TADA2B: variants seen among roughly 807,000 people sequenced by gnomAD.
The protein encoded by TADA2B is transcriptional adaptor 2B.
Under a neutral mutation model 34.5 loss-of-function variants are expected in TADA2B, and 13 were observed. The ratio of observed to expected loss-of-function variants is 0.38; its 90% confidence interval spans 0.25 to 0.60. The LOEUF (loss-of-function observed/expected upper bound fraction) is 0.60, where lower values mean the gene tolerates loss of function less well. Among genes scored for constraint, TADA2B ranks in the 20% least tolerant of loss-of-function variants. TADA2B has a pLI of 0.65. For synonymous variants in TADA2B, 240 were observed against 243.4 expected (o/e 0.99, Z 0.13); for missense variants, 442 against 575.0 (o/e 0.77, Z 2.37).
rs1197463585 is a variant in TADA2B at position 7,043,621 on chromosome 4, C to T, written c.42C>T (p.Ala14=). 18 of 1,494,784 alleles carry T rather than the reference C, an allele frequency of 1.2e-5. No homozygotes were observed. The highest frequency in any genetic ancestry group is 4.3e-5 in the African/African-American group (3 of 69,408). 92.6% of individuals were successfully genotyped at this position (1,494,784 alleles called of 1,614,324 possible). The change falls in exon 1 of 2, where the codon GCC becomes GCT. Residue 14 remains alanine, a synonymous_variant. Transcript: ENST00000310074. ...LGKKYCVYCL[A]EVSPLRFRCT... is the part of the protein sequence containing the mutation. ...AGAAGTACTGCGTGTACTGCCTGGC[C>T]GAGGTGAGCCCGCTGCGCTTCCGCT...
At chr4:7,046,583 A>T (rs1723636220) in intron 1 of TADA2B, among the ~76,000 whole-genome samples, 1 of 152,232 alleles carries the variant, frequency 6.6e-6, no homozygotes, top group Admixed American at 6.5e-5. Context: ...GCATTAAGCA[A>T]TGTGGGTCAG....
Position 7,055,648 on chromosome 4 carries a change from CTG to C in TADA2B, c.*596_*597del, listed in dbSNP as rs1221368649. On this transcript the variant is annotated 3_prime_UTR_variant, in exon 2 of 2. Coordinates refer to ENST00000310074, the MANE Select transcript of TADA2B (RefSeq NM_152293.3). Reference sequence around the variant, plus strand: ...GTTTTGTTGGGAACTGAAGAGGAATCTGTTGAACACAGCGACCAGATGACCTT... The same window carrying C: ...GTTTTGTTGGGAACTGAAGAGGAATCTTGAACACAGCGACCAGATGACCTT... 2 of 152,412 alleles carry C rather than the reference CTG, an allele frequency of 1.3e-5. No individual in the cohort carries two copies. Among genetic ancestry groups the C allele is most frequent in the Non-Finnish European group, 2.9e-5 (2 of 68,186 alleles). The allele number at this position is 152,412 out of a possible 1,614,324, so 9.4% of individuals were successfully genotyped here.
rs200792776 is a variant in TADA2B at position 7,057,333 on chromosome 4, A to G, written c.*2279A>G. On this transcript the variant is annotated 3_prime_UTR_variant, in exon 2 of 2. Coordinates refer to ENST00000310074, the MANE Select transcript of TADA2B (RefSeq NM_152293.3). ...ATAATTAATTTATGTTAAAGTATTAACCCTTTGTCACAAAGGAATGGTAAT... is the reference window on the plus strand; with the variant it reads ...ATAATTAATTTATGTTAAAGTATTAGCCCTTTGTCACAAAGGAATGGTAAT... The G allele has an allele frequency of 6.6e-6, 1 of 152,186 alleles. No homozygotes were observed. The highest frequency in any genetic ancestry group is 1.9e-4 in the East Asian group (1 of 5,202). The allele number at this position is 152,186 out of a possible 1,614,324, so 9.4% of individuals were successfully genotyped here. A position where few individuals can be genotyped will look rare whatever the true frequency, so the allele number is the denominator to read the frequency against.
chr4:7,043,670 C>T lies in TADA2B; in HGVS notation c.91C>T (p.Leu31=). ...FRCTECQDIE[L]CPECFSAGAE... ...CTGCACCGAGTGCCAGGACATCGAG[C>T]TGTGCCCCGAGTGCTTCTCGGCCGG... Residue 31 remains leucine (L), a synonymous_variant, in exon 1 of 2, where the codon CTG becomes TTG. Transcript: ENST00000310074. 6.3e-7 allele frequency: 1 copy of T among 1,583,098 alleles called. No homozygotes were observed.
chr4:7,051,557 T>C (rs2108785425), intron 1 of TADA2B, among the ~76,000 whole-genome samples: 1 of 152,222 alleles, frequency 6.6e-6, no homozygotes, highest in Non-Finnish European at 1.5e-5. Context: ...TGACCTAGTG[T>C]TGCTAACTTG....
Position 7,043,467 on chromosome 4 carries a change from G to T in TADA2B, c.-113G>T, listed in dbSNP as rs996272933. The T allele has an allele frequency of 2.9e-5, 15 of 509,374 alleles. No homozygotes were observed. The highest frequency in any genetic ancestry group is 6.6e-5 in the Admixed American group (1 of 15,042). The allele number at this position is 509,374 out of a possible 1,614,324, so 31.6% of individuals were successfully genotyped here. ...GCGGTGGCGGCAGCCGCGGCGGCGG[G>T]CGGCGGTTGCTCGTGCGCGGCGGCG... On this transcript the variant is annotated 5_prime_UTR_variant, in exon 1 of 2. Coordinates refer to ENST00000310074, the MANE Select transcript of TADA2B (RefSeq NM_152293.3).
intron 1 of TADA2B, among the ~76,000 whole-genome samples, chr4:7,048,645 C>T (rs1408626115): frequency 7.9e-5 from 12 of 151,944 alleles, no homozygotes; most frequent in Non-Finnish European, 1.3e-4. Flanking sequence ...GCATTAAGTC[C>T]ACTCCCAGTG....
rs368347599 is a variant in TADA2B, at chr4:7,054,776, C to T, written c.985C>T (p.Arg329Trp). 1.2e-5 allele frequency: 19 copies of T among 1,613,788 alleles called. No individual in the cohort carries two copies. The highest frequency in any genetic ancestry group is 1.6e-4 in the Middle Eastern group (1 of 6,084). The change falls in exon 2 of 2, where the codon CGG becomes TGG. Residue 329 changes from arginine to tryptophan, a missense_variant. This residue lies in a region of TADA2B where 114 missense variants were observed against 144.7 expected (regional missense o/e 0.79). Coordinates refer to ENST00000310074, the MANE Select transcript of TADA2B (RefSeq NM_152293.3). Reference protein sequence around the residue: ...KENKNLAGSKRGKEDGKDSEF... With the variant: ...KENKNLAGSKWGKEDGKDSEF... ...GAACAAAAACCTAGCCGGCTCCAAA[C>T]GGGGAAAGGAGGACGGCAAAGACAG...
At position 7,057,393 on chromosome 4, in the gene TADA2B, C is replaced by T. The variant is rs1156921484; in HGVS notation, c.*2339C>T. 5 of 152,258 alleles carry T rather than the reference C, an allele frequency of 3.3e-5. No homozygotes were observed. Among genetic ancestry groups the T allele is most frequent in the Non-Finnish European group, 5.9e-5 (4 of 68,048 alleles). The allele number at this position is 152,258 out of a possible 1,614,324, so 9.4% of individuals were successfully genotyped here. A position where few individuals can be genotyped will look rare whatever the true frequency, so the allele number is the denominator to read the frequency against. On this transcript the variant is annotated 3_prime_UTR_variant, in exon 2 of 2. Transcript: ENST00000310074. ...TGCCTGTTAGCCCATCGACTATTCCCGTCACGGTAGTCCTTACCTCTGTCG... is the reference window on the plus strand; with the variant it reads ...TGCCTGTTAGCCCATCGACTATTCCTGTCACGGTAGTCCTTACCTCTGTCG...
chr4:7,052,424 CT>C (rs1400604609), intron 1 of TADA2B, among the ~76,000 whole-genome samples: 5 of 152,368 alleles, frequency 3.3e-5, no homozygotes, highest in South Asian at 2.1e-4. Flanking sequence ...ATTGCGGTTC[CT>C]GGGGCTCCCT....
chr4:7,047,519 G>C (rs1194157728), intron 1 of TADA2B, among the ~76,000 whole-genome samples: 1 of 152,214 alleles, frequency 6.6e-6, no homozygotes, highest in African/African-American at 2.4e-5. Context: ...CACATCGATG[G>C]TCACTGCCTT....
Position 7,052,320 on chromosome 4 carries a change from C to T in TADA2B, c.271-1742C>T, listed in dbSNP as rs964141828. On this transcript the variant is annotated intron_variant, in intron 1 of 1. Coordinates refer to ENST00000310074, the MANE Select transcript of TADA2B (RefSeq NM_152293.3). ...CCCCAGGATGTTCACCCAGGGTTTC[C>T]ACCCAACATGACCCTTTCCTTCCTA... Among the ~76,000 whole-genome samples the T allele has an allele frequency of 6.6e-5, 10 of 152,384 alleles. 1 individual carries two copies. The highest frequency in any genetic ancestry group is 5.9e-4 in the Admixed American group (9 of 15,312).
At chr4:7,045,547 T>C (rs1344075547) in intron 1 of TADA2B, 2 of 152,242 alleles carry the variant, frequency 1.3e-5, no homozygotes, top group Admixed American at 6.5e-5. Context: ...TTGATCGTTT[T>C]ATATTTCTTC....
At position 7,054,460 on chromosome 4, in the gene TADA2B, C is replaced by G. The variant is rs1468778963; in HGVS notation, c.669C>G (p.Ala223=). 1 of 1,613,692 alleles carries G rather than the reference C, an allele frequency of 6.2e-7. No homozygotes were observed. The highest frequency in any genetic ancestry group is 8.5e-7 in the Non-Finnish European group (1 of 1,179,886). ...LKERQRRKNI[A]RDYNLVPAFL... Reference sequence around the variant, plus strand: ...AGAGACAGCGGCGGAAGAACATCGCCCGTGACTACAATCTGGTGCCAGCCT... The same window carrying G: ...AGAGACAGCGGCGGAAGAACATCGCGCGTGACTACAATCTGGTGCCAGCCT... Residue 223 remains alanine, a synonymous_variant, in exon 2 of 2, where the codon GCC becomes GCG. Transcript: ENST00000310074.
rs1383845064 is a variant in TADA2B, at chr4:7,055,975, G to C, written c.*921G>C. ...CATTGTACAAAGTTCAAGGCTAAGAGTTCTGAATTCTGGCGTCAGCTTCCT... is the reference window on the plus strand; with the variant it reads ...CATTGTACAAAGTTCAAGGCTAAGACTTCTGAATTCTGGCGTCAGCTTCCT... On this transcript the variant is annotated 3_prime_UTR_variant, in exon 2 of 2. Transcript: ENST00000310074. The C allele has an allele frequency of 6.6e-6, 1 of 152,394 alleles. No individual in the cohort carries two copies. Among genetic ancestry groups the C allele is most frequent in the African/African-American group, 2.4e-5 (1 of 41,592 alleles). The allele number at this position is 152,394 out of a possible 1,614,324, so 9.4% of individuals were successfully genotyped here. A position where few individuals can be genotyped will look rare whatever the true frequency, so the allele number is the denominator to read the frequency against.
intron 1 of TADA2B, among the ~76,000 whole-genome samples, chr4:7,048,747 C>T (rs1223651102): frequency 6.6e-6 from 1 of 152,184 alleles, no homozygotes; most frequent in Non-Finnish European, 1.5e-5. Flanking sequence ...CCCCCTCCCC[C>T]TTCCCCAGTC....
At chr4:7,046,347 C>CATATTT (rs1723629493) in intron 1 of TADA2B, 1 of 152,252 alleles carries the variant, frequency 6.6e-6, no homozygotes, top group Non-Finnish European at 1.5e-5. Context: ...CCCACTTTGG[C>CATATTT]ATATTTAGCC....
chr4:7,055,109 G>A lies in TADA2B; in HGVS notation c.*55G>A. ...GCTCAGACAGTGTGCCAGCCAAAATGACTTGGGGGAGGGGAGCCGCTTCCC... is the reference window on the plus strand; with the variant it reads ...GCTCAGACAGTGTGCCAGCCAAAATAACTTGGGGGAGGGGAGCCGCTTCCC... On this transcript the variant is annotated 3_prime_UTR_variant, in exon 2 of 2. Transcript: ENST00000310074. 1.3e-6 allele frequency: 2 copies of A among 1,514,026 alleles called. No homozygotes were observed. Among genetic ancestry groups the A allele is most frequent in the Non-Finnish European group, 1.8e-6 (2 of 1,131,874 alleles). 93.8% of individuals were successfully genotyped at this position (1,514,026 alleles called of 1,614,324 possible). A position where few individuals can be genotyped will look rare whatever the true frequency, so the allele number is the denominator to read the frequency against.
At chr4:7,043,922 G>C in intron 1 of TADA2B, 73 bp downstream of exon 1, 2 of 1,408,072 alleles carry the variant, frequency 1.4e-6, no homozygotes, top group Non-Finnish European at 1.8e-6. Context: ...AATCGGGCGC[G>C]CAGGCAGCGC....
Sources: allele counts gnomAD v4.1 joint callset (sites outside exome capture counted in the v4.1 genomes callset), GRCh38; gene constraint gnomAD v4.1.1; regional missense constraint gnomAD v4.1.1; transcripts MANE v1.5; gene names NCBI Gene and HGNC (gene_info 2026-07-23, HGNC 2026-07-21).